The following PREX2 variants were observed in gnomAD, a reference collection of about 807,000 sequenced individuals.
PREX2 encodes phosphatidylinositol-3,4,5-trisphosphate dependent Rac exchange factor 2, also known as phosphatidylinositol 3,4,5-trisphosphate-dependent Rac exchanger 2 protein.
Under a neutral mutation model 203.2 loss-of-function variants are expected in PREX2, and 107 were observed. The ratio of observed to expected loss-of-function variants is 0.53; its 90% CI spans 0.45 to 0.62. The LOEUF (loss-of-function observed/expected upper bound fraction) is 0.62, where lower values mean the gene tolerates loss of function less well. PREX2 is among the 20% of genes least tolerant of loss of function. The pLI is 0.00. For missense variants in PREX2, 1,777 were observed against 1,955.9 expected (o/e 0.91, Z 1.72); for synonymous variants, 672 against 663.6 (o/e 1.01, Z -0.19).
At chr8:68,092,690 A>G (rs1809917531) in intron 20 of PREX2, among the ~76,000 whole-genome samples, 4 of 152,176 alleles carry the variant, frequency 2.6e-5, no homozygotes, top group Non-Finnish European at 4.4e-5. Context: ...CAATTTTCAT[A>G]TTTGTTTGAT....
intron 34 of PREX2, among the ~76,000 whole-genome samples, chr8:68,146,858 A>T (rs1210987157): frequency 6.6e-6 from 1 of 152,184 alleles, no homozygotes; most frequent in Non-Finnish European, 1.5e-5. Flanking sequence ...GTCAGAAAAT[A>T]TATATTCCTT....
At position 68,098,938 on chromosome 8, in the gene PREX2, G is replaced by GTATATATATATATATGTGTATA. The variant is rs1810173290; in HGVS notation, c.2554-729_2554-728insGTGTATATATATATATATATAT. ...AATCAGAAATGCTACATATATATGT[G>GTATATATATATATATGTGTATA]TATATATATATATATATATATATAT... On this transcript the variant is annotated intron_variant, in intron 22 of 39. Transcript: ENST00000288368. 3.6e-5 allele frequency among the ~76,000 whole-genome samples: 4 copies of GTATATATATATATATGTGTATA among 109,816 alleles called. No homozygotes were observed. The Admixed American group carries it at 3.9e-4, about 11-fold the overall frequency. 72.0% of individuals were successfully genotyped at this position (109,816 alleles called of 152,430 possible). A position where few individuals can be genotyped will look rare whatever the true frequency, so the allele number is the denominator to read the frequency against.
At chr8:68,162,112 C>T (rs1811667940) in intron 35 of PREX2, among the ~76,000 whole-genome samples, 1 of 152,276 alleles carries the variant, frequency 6.6e-6, no homozygotes, top group Admixed American at 6.5e-5. Context: ...CTTGGTCCCT[C>T]CCACAACATG....
intron 38 of PREX2, among the ~76,000 whole-genome samples, chr8:68,222,395 A>T (rs908288938): frequency 1.3e-4 from 19 of 151,804 alleles, no homozygotes; most frequent in African/African-American, 4.4e-4. Flanking sequence ...AGAAACAACC[A>T]GAAAGAGCTC....
rs544196708 is a variant in PREX2, at chr8:67,998,894, T to A, written c.142-18952T>A. On this transcript the variant is annotated intron_variant, in intron 1 of 39. Coordinates refer to ENST00000288368, the MANE Select transcript of PREX2 (RefSeq NM_024870.4). ...ACTGCTGCAGGTTTGAGAAGAGCCA[T>A]AGGTCCTTTTTCACTTATGAAGGGC... Among the ~76,000 whole-genome samples the A allele has an allele frequency of 2.3e-4, 35 of 152,366 alleles. No homozygotes were observed. In the South Asian group the frequency reaches 7.0e-3, roughly 31 times the overall value.
In PREX2 at chr8:68,232,228, A is replaced by G. The variant is rs1002532560; in HGVS notation, c.*850A>G. On this transcript the variant is annotated 3_prime_UTR_variant, in exon 40 of 40. Coordinates refer to ENST00000288368, the MANE Select transcript of PREX2 (RefSeq NM_024870.4). Reference sequence around the variant, plus strand: ...AAGCCTATTTTAAAACTAAACCTTTAAGTTAGATACCTAAAACTCTTAATT... The same window carrying G: ...AAGCCTATTTTAAAACTAAACCTTTGAGTTAGATACCTAAAACTCTTAATT... The G allele has an allele frequency of 6.6e-6, 1 of 152,094 alleles. No homozygotes were observed. Among genetic ancestry groups the G allele is most frequent in the Non-Finnish European group, 1.5e-5 (1 of 68,004 alleles). 9.4% of individuals were successfully genotyped at this position (152,094 alleles called of 1,614,324 possible). A position where few individuals can be genotyped will look rare whatever the true frequency, so the allele number is the denominator to read the frequency against.
intron 1 of PREX2, among the ~76,000 whole-genome samples, chr8:68,015,900 A>G (rs979914454): frequency 2.6e-5 from 4 of 152,188 alleles, no homozygotes; most frequent in African/African-American, 7.2e-5. Context: ...CTTGTTCCCA[A>G]TAGACAAATT....
Position 68,080,800 on chromosome 8 carries a change from C to T in PREX2, c.1840C>T (p.Pro614Ser). ...TGGATTAGAAGACAAAAATAAAGTT[C>T]CAATAATAAAGTTGGTAGAAAAGGG... ...GFGLEDKNKV[P>S]IIKLVEKGSN... Residue 614 changes from proline to serine, a missense_variant, in exon 17 of 40, where the codon CCA becomes TCA. Transcript: ENST00000288368. 1 of 1,560,540 alleles carries T rather than the reference C, an allele frequency of 6.4e-7. No homozygotes were observed. Among genetic ancestry groups the T allele is most frequent in the Non-Finnish European group, 8.8e-7 (1 of 1,136,844 alleles).
At chr8:68,001,597 T>C (rs923395142) in intron 1 of PREX2, among the ~76,000 whole-genome samples, 14 of 152,182 alleles carry the variant, frequency 9.2e-5, no homozygotes, top group African/African-American at 3.4e-4. Context: ...TTACTGGGTA[T>C]GTATCCAAAG....
At chr8:68,060,300 G>A (rs1200417154) in intron 10 of PREX2, among the ~76,000 whole-genome samples, 1 of 152,150 alleles carries the variant, frequency 6.6e-6, no homozygotes, top group Non-Finnish European at 1.5e-5. Context: ...ACTCTATTCA[G>A]TTCTGACTTT....
At chr8:68,002,027 T>G (rs1421490982) in intron 1 of PREX2, among the ~76,000 whole-genome samples, 1 of 151,716 alleles carries the variant, frequency 6.6e-6, no homozygotes, top group Non-Finnish European at 1.5e-5. Flanking sequence ...AAACAAATCC[T>G]GTGACACAAG....
intron 10 of PREX2, among the ~76,000 whole-genome samples, chr8:68,059,764 T>G (rs1353660378): frequency 6.6e-6 from 1 of 152,040 alleles, no homozygotes; most frequent in Admixed American, 6.6e-5. Context: ...CTTATTCAGG[T>G]GGTTGTCAGG....
At chr8:68,087,662 C>T (rs576867137) in intron 18 of PREX2, 62 bp from the exon 19 acceptor site, 49 of 1,166,108 alleles carry the variant, frequency 4.2e-5, no homozygotes, top group Middle Eastern at 1.9e-4. Context: ...CTGTACACGA[C>T]GATTATTTCA....
intron 8 of PREX2, among the ~76,000 whole-genome samples, chr8:68,045,642 C>A (rs747117194): frequency 2.0e-5 from 3 of 152,072 alleles, no homozygotes; most frequent in Non-Finnish European, 4.4e-5. Flanking sequence ...TGAGACTGAG[C>A]ACTCAGCTTT....
At chr8:68,092,383 T>C (rs551862070) in intron 20 of PREX2, among the ~76,000 whole-genome samples, 1 of 152,204 alleles carries the variant, frequency 6.6e-6, no homozygotes, top group South Asian at 2.1e-4. Context: ...TTAGACACAC[T>C]TGAGAATCGA....
chr8:68,088,478 A>AACAAGAG (rs1448591511), intron 19 of PREX2, among the ~76,000 whole-genome samples: 1 of 152,202 alleles, frequency 6.6e-6, no homozygotes, highest in Non-Finnish European at 1.5e-5. Flanking sequence ...GTGTTTATCT[A>AACAAGAG]ACAAGAGACA....
intron 1 of PREX2, among the ~76,000 whole-genome samples, chr8:67,979,833 A>G (rs1476631265): frequency 1.3e-5 from 2 of 152,170 alleles, no homozygotes; most frequent in African/African-American, 4.8e-5. Flanking sequence ...TATGCAGTAA[A>G]TATTTATTGA....
chr8:68,226,085 A>C (rs1314583738), intron 39 of PREX2, among the ~76,000 whole-genome samples: 2 of 152,228 alleles, frequency 1.3e-5, no homozygotes, highest in Non-Finnish European at 2.9e-5. Context: ...AACGCAATAA[A>C]ATGAGCCAGC....
chr8:68,043,210 C>T (rs962420770), intron 7 of PREX2, among the ~76,000 whole-genome samples: 7 of 152,086 alleles, frequency 4.6e-5, no homozygotes, highest in African/African-American at 1.7e-4. Flanking sequence ...TTTATGCTTA[C>T]TAATGAAGAA....
Sources: gnomAD v4.1 joint callset for allele counts (sites outside exome capture counted in the v4.1 genomes callset) on GRCh38, gnomAD v4.1.1 for gene constraint, MANE v1.5 for transcripts, NCBI Gene and HGNC (gene_info 2026-07-23, HGNC 2026-07-21) for gene names.